Variants in SORCS1 observed in about 807,000 individuals in gnomAD.
SORCS1 encodes the protein VPS10 domain-containing receptor SorCS1.
In SORCS1, 60 loss-of-function variants were observed where a neutral mutation model predicts 146.1. That is an observed-to-expected ratio of 0.41 (90% CI 0.33 to 0.51). SORCS1 has a LOEUF of 0.51. SORCS1 is among the 20% of genes least tolerant of loss of function. The pLI is 0.21. For synonymous variants in SORCS1, 637 were observed against 584.0 expected (o/e 1.09, Z -1.31); for missense variants, 1,352 against 1,487.6 (o/e 0.91, Z 1.50).
chr10:106,808,074 G>A (rs1044842009), intron 3 of SORCS1, among the ~76,000 whole-genome samples: 4 of 152,270 alleles, frequency 2.6e-5, no homozygotes, highest in East Asian at 3.9e-4. Context: ...AGGCTGGAGC[G>A]CAATGGCGCG....
chr10:107,073,375 T>A (rs1302826872), intron 1 of SORCS1, among the ~76,000 whole-genome samples: 1 of 152,150 alleles, frequency 6.6e-6, no homozygotes, highest in Admixed American at 6.6e-5. Context: ...CCAGCACCTA[T>A]AATTTGCCAA....
intron 24 of SORCS1, among the ~76,000 whole-genome samples, chr10:106,589,667 T>C (rs929448769): frequency 3.0e-5 from 4 of 132,278 alleles, no homozygotes; most frequent in African/African-American, 1.2e-4. Flanking sequence ...CAACCCAACA[T>C]GAACCACCAA....
Position 106,973,051 on chromosome 10 carries a change from C to T in SORCS1, c.559-16471G>A, listed in dbSNP as rs186404938. On this transcript the variant is annotated intron_variant, in intron 1 of 25. Transcript: ENST00000263054. ...TTCACTGAGATCTCCGTGGATTCCA[C>T]GGGCAGAGAGCACAAACCCTTGCTC... 2.2e-3 allele frequency among the ~76,000 whole-genome samples: 329 copies of T among 152,206 alleles called. 6 individuals carry two copies. The highest frequency in any genetic ancestry group is 7.5e-4 in the Non-Finnish European group (51 of 68,014).
intron 2 of SORCS1, among the ~76,000 whole-genome samples, chr10:106,901,056 T>C (rs1951680487): frequency 6.6e-6 from 1 of 152,168 alleles, no homozygotes. Flanking sequence ...TGCCCTTGAT[T>C]CAAAAGGCAG....
intron 1 of SORCS1, among the ~76,000 whole-genome samples, chr10:107,019,068 A>AG (rs1958019426): frequency 6.6e-6 from 1 of 152,128 alleles, no homozygotes; most frequent in Admixed American, 6.5e-5. Context: ...CTCATATCTC[A>AG]GCTGTAAATA....
At chr10:106,968,043 A>AG (rs1466866522) in intron 1 of SORCS1, among the ~76,000 whole-genome samples, 1 of 147,700 alleles carries the variant, frequency 6.8e-6, no homozygotes, top group African/African-American at 2.6e-5. Context: ...TCTCTACTAA[A>AG]GAAAAAAAAA....
At chr10:106,758,677 A>G (rs1858846565) in intron 5 of SORCS1, among the ~76,000 whole-genome samples, 1 of 152,222 alleles carries the variant, frequency 6.6e-6, no homozygotes. Context: ...AACTAACTTT[A>G]TACTTTACAT....
At chr10:107,171,923 CTGT>C in the SORCS1 span, among the ~76,000 whole-genome samples, 1 of 152,124 alleles carries the variant, frequency 6.6e-6, no homozygotes, top group Non-Finnish European at 1.5e-5. Flanking sequence ...TGTTGAAAAA[CTGT>C]TATTAGGATC....
At chr10:106,788,584 A>G (rs1001376091) in intron 3 of SORCS1, among the ~76,000 whole-genome samples, 1 of 152,246 alleles carries the variant, frequency 6.6e-6, no homozygotes, top group Non-Finnish European at 1.5e-5. Context: ...CGGGGCAATC[A>G]TTAAACTTTA....
chr10:106,795,081 C>T (rs1389033355), intron 3 of SORCS1, among the ~76,000 whole-genome samples: 2 of 152,192 alleles, frequency 1.3e-5, no homozygotes, highest in Non-Finnish European at 2.9e-5. Flanking sequence ...ATGGAGCTAA[C>T]ACAATGAATG....
At chr10:106,686,347 A>C (rs1334870328) in intron 10 of SORCS1, among the ~76,000 whole-genome samples, 1 of 152,232 alleles carries the variant, frequency 6.6e-6, no homozygotes, top group Non-Finnish European at 1.5e-5. Flanking sequence ...CTAAGTGCTT[A>C]AAAGCCATTT....
intron 22 of SORCS1, among the ~76,000 whole-genome samples, chr10:106,609,490 C>T (rs532248704): frequency 6.6e-6 from 1 of 152,302 alleles, no homozygotes; most frequent in East Asian, 1.9e-4. Flanking sequence ...TGTACACTTG[C>T]CAATGTGGTC....
chr10:106,956,512 C>T lies in SORCS1; in HGVS notation c.626+1G>A. On this transcript the variant is annotated splice_donor_variant, in intron 2 of 25. Coordinates refer to ENST00000263054, the MANE Select transcript of SORCS1 (RefSeq NM_052918.5). LOFTEE classifies it high-confidence loss of function. ...ATTATTAGCTCCATTTATCTACATA[C>T]CTCCAAAGCGAGCTCTCTGTGATGC... 1 of 1,613,802 alleles carries T rather than the reference C, an allele frequency of 6.2e-7. No homozygotes were observed. The highest frequency in any genetic ancestry group is 8.5e-7 in the Non-Finnish European group (1 of 1,179,746).
At chr10:106,618,047 C>T (rs980456027) in intron 21 of SORCS1, 102 bp downstream of exon 21, 55 of 1,485,052 alleles carry the variant, frequency 3.7e-5, no homozygotes, top group Non-Finnish European at 4.8e-5. Context: ...CTCCGTTCTC[C>T]AGGTAAAAGT....
Position 106,671,586 on chromosome 10 carries a change from A to G in SORCS1, c.2059-219T>C, listed in dbSNP as rs2756227. On this transcript the variant is annotated intron_variant, in intron 15 of 25. Coordinates refer to ENST00000263054, the MANE Select transcript of SORCS1 (RefSeq NM_052918.5). Reference sequence around the variant, plus strand: ...CAATCATTGAAGATTATTAAACAACATCCTTAATTTTGTGTGCACTTATCA... The same window carrying G: ...CAATCATTGAAGATTATTAAACAACGTCCTTAATTTTGTGTGCACTTATCA... Among the ~76,000 whole-genome samples, 758 of 152,292 alleles carry G rather than the reference A, an allele frequency of 5.0e-3. 3 individuals carry two copies. Among genetic ancestry groups the G allele is most frequent in the Non-Finnish European group, 5.9e-3 (398 of 68,022 alleles).
intron 6 of SORCS1, among the ~76,000 whole-genome samples, chr10:106,722,997 C>G (rs1855887694): frequency 6.6e-6 from 1 of 152,074 alleles, no homozygotes; most frequent in Non-Finnish European, 1.5e-5. Context: ...AGTAGATATA[C>G]CTAAACAGTG....
intron 8 of SORCS1, 136 bp from the exon 9 acceptor site, chr10:106,699,529 AT>A: frequency 3.0e-6 from 2 of 660,544 alleles, no homozygotes; most frequent in Non-Finnish European, 4.8e-6. Context: ...TTTTGCATAT[AT>A]AAGAAATAAT....
At chr10:106,652,207 G>A (rs560510119) in intron 18 of SORCS1, among the ~76,000 whole-genome samples, 175 bp downstream of exon 18, 1 of 152,260 alleles carries the variant, frequency 6.6e-6, no homozygotes, top group Non-Finnish European at 1.5e-5. Flanking sequence ...TAAAGAAATA[G>A]ATCAGGGAAG....
intron 23 of SORCS1, among the ~76,000 whole-genome samples, chr10:106,604,704 G>GT (rs1224379630): frequency 6.6e-6 from 1 of 152,094 alleles, no homozygotes; most frequent in South Asian, 2.1e-4. Context: ...ATTCATTAAT[G>GT]TTTTTTCCCT....
Sources: allele counts gnomAD v4.1 joint callset (sites outside exome capture counted in the v4.1 genomes callset), GRCh38; gene constraint gnomAD v4.1.1; transcripts MANE v1.5; gene names NCBI Gene and HGNC (gene_info 2026-07-23, HGNC 2026-07-21).